ABCB1: variants seen among roughly 807,000 people sequenced by gnomAD.
The protein encoded by ABCB1 is ATP binding cassette subfamily B member 1.
Under a neutral mutation model 142.0 loss-of-function variants are expected in ABCB1, and 69 were observed. The ratio of observed to expected loss-of-function variants is 0.49; its 90% CI spans 0.40 to 0.59. The LOEUF (loss-of-function observed/expected upper bound fraction) is 0.59, where lower values mean the gene tolerates loss of function less well. Ranked by LOEUF, ABCB1 falls within the 20% of genes least tolerant of loss-of-function variation. The pLI is 0.00. For missense variants in ABCB1, 1,326 were observed against 1,554.7 expected (o/e 0.85, Z 2.47); for synonymous variants, 532 against 539.2 (o/e 0.99, Z 0.18).
chr7:87,604,336 G>A (rs1198974006), upstream of ABCB1, among the ~76,000 whole-genome samples: 1 of 152,100 alleles, frequency 6.6e-6, no homozygotes, highest in Non-Finnish European at 1.5e-5. Context: ...CCTCAATGAA[G>A]TTAATTGACC....
At chr7:87,701,035 C>G (rs1199264542) in intron 1 of ABCB1, among the ~76,000 whole-genome samples, 1 of 152,140 alleles carries the variant, frequency 6.6e-6, no homozygotes, top group Non-Finnish European at 1.5e-5. Context: ...CTTATTAAAT[C>G]TCAACTTTGA....
chr7:87,685,118 A>T (rs1827328229), intron 1 of ABCB1, among the ~76,000 whole-genome samples: 1 of 152,172 alleles, frequency 6.6e-6, no homozygotes. Flanking sequence ...AAAAGCTTTT[A>T]CTCCCTGAAA....
At chr7:87,526,836 A>G (rs1302868710) in intron 21 of ABCB1, among the ~76,000 whole-genome samples, 1 of 152,166 alleles carries the variant, frequency 6.6e-6, no homozygotes, top group East Asian at 1.9e-4. Context: ...AGGATCAGGG[A>G]TGAACAGCTT....
At chr7:87,599,499 C>A (rs1819350684) in intron 2 of ABCB1, among the ~76,000 whole-genome samples, 1 of 152,168 alleles carries the variant, frequency 6.6e-6, no homozygotes, top group Non-Finnish European at 1.5e-5. Flanking sequence ...GGGCGACCAA[C>A]ACCACTTGAA....
chr7:87,599,544 C>A (rs1819353574), intron 2 of ABCB1, among the ~76,000 whole-genome samples: 1 of 152,106 alleles, frequency 6.6e-6, no homozygotes, highest in Non-Finnish European at 1.5e-5. Flanking sequence ...CACATATGAG[C>A]ATCCGCCTGT....
At chr7:87,653,612 A>G (rs941209735) in intron 1 of ABCB1, among the ~76,000 whole-genome samples, 1 of 152,136 alleles carries the variant, frequency 6.6e-6, no homozygotes, top group African/African-American at 2.4e-5. Context: ...TCTTATGTAT[A>G]TGAAACCAAC....
chr7:87,619,538 CAAA>C (rs397829281), intron 1 of ABCB1, among the ~76,000 whole-genome samples: 17 of 77,660 alleles, frequency 2.2e-4, no homozygotes, highest in Non-Finnish European at 3.0e-4. Flanking sequence ...AACTCCATCT[CAAA>C]AAAAAAAAAA....
At chr7:87,523,263 G>A (rs1815607250) in intron 21 of ABCB1, among the ~76,000 whole-genome samples, 2 of 152,040 alleles carry the variant, frequency 1.3e-5, no homozygotes, top group African/African-American at 4.8e-5. Context: ...CAAGCACATG[G>A]CACTACACCT....
At chr7:87,679,450 A>G (rs1826709277) in intron 1 of ABCB1, among the ~76,000 whole-genome samples, 1 of 149,642 alleles carries the variant, frequency 6.7e-6, no homozygotes, top group East Asian at 2.0e-4. Context: ...GTGCAATGGC[A>G]CAATCATGGC....
Position 87,569,948 on chromosome 7 carries a change from C to A in ABCB1, c.338+224G>T, listed in dbSNP as rs2235021. Among the ~76,000 whole-genome samples the A allele has an allele frequency of 0.38, 57,870 of 151,762 alleles. 12,077 individuals carry two copies. Among genetic ancestry groups the A allele is most frequent in the East Asian group, 0.64 (3,270 of 5,136 alleles). ...TTTCCTTATATATTAATATGATATT[C>A]TACATTGATCAATGCATATATGTCC... On this transcript the variant is annotated intron_variant, in intron 5 of 27. Coordinates refer to ENST00000622132, the MANE Select transcript of ABCB1 (RefSeq NM_001348946.2).
intron 1 of ABCB1, among the ~76,000 whole-genome samples, chr7:87,690,746 T>A (rs1228212905): frequency 1.3e-5 from 2 of 152,172 alleles, no homozygotes; most frequent in Non-Finnish European, 2.9e-5. Context: ...TATATGATAC[T>A]GCCAATTTAT....
chr7:87,592,832 A>G (rs1819048036), intron 3 of ABCB1, among the ~76,000 whole-genome samples: 1 of 152,140 alleles, frequency 6.6e-6, no homozygotes, highest in Non-Finnish European at 1.5e-5. Flanking sequence ...GTTAGGTATT[A>G]TCTATTTAGA....
intron 1 of ABCB1, among the ~76,000 whole-genome samples, chr7:87,700,746 AC>A (rs1230958183): frequency 6.6e-6 from 1 of 152,218 alleles, no homozygotes; most frequent in Non-Finnish European, 1.5e-5. Flanking sequence ...GTTCAGCAGA[AC>A]CCTGAAGATG....
At chr7:87,670,139 C>G (rs558164008) in intron 1 of ABCB1, among the ~76,000 whole-genome samples, 1 of 152,270 alleles carries the variant, frequency 6.6e-6, no homozygotes, top group East Asian at 1.9e-4. Context: ...TTACATGATC[C>G]AATACTTCTC....
chr7:87,695,007 A>C (rs1165425131), intron 1 of ABCB1, among the ~76,000 whole-genome samples: 3 of 152,150 alleles, frequency 2.0e-5, no homozygotes, highest in African/African-American at 7.2e-5. Context: ...TAATAGTTAC[A>C]TTTTATAGAT....
At chr7:87,626,598 CAT>C (rs369333535) in intron 1 of ABCB1, among the ~76,000 whole-genome samples, 7 of 9,462 alleles carry the variant, frequency 7.4e-4, no homozygotes, top group South Asian at 7.8e-3. Context: ...ATATATGTGT[CAT>C]ATATATGTGT....
chr7:87,622,811 G>A lies in ABCB1; in HGVS notation c.-330-21733C>T, dbSNP rs111851490. On this transcript the variant is annotated intron_variant, in intron 1 of 28. Coordinates refer to the ABCB1 transcript ENST00000265724. ...CTTGAGGGGCCAAGAAGGGAGGATC[G>A]CATGAGACCGGGAGTTCATGAGCAA... Among the ~76,000 whole-genome samples, 18 of 152,108 alleles carry A rather than the reference G, an allele frequency of 1.2e-4. No homozygotes were observed. The South Asian group carries it at 2.1e-3, about 18-fold the overall frequency.
chr7:87,628,797 CA>C, intron 1 of ABCB1: 2 of 1,217,026 alleles, frequency 1.6e-6, no homozygotes, highest in Non-Finnish European at 2.1e-6. Context: ...TGGCACGAGA[CA>C]AAAGGGGCAC....
Position 87,685,705 on chromosome 7 carries a change from TGAA to T in ABCB1, c.-331+27453_-331+27455del, listed in dbSNP as rs1827391732. On this transcript the variant is annotated intron_variant, in intron 1 of 28. Transcript: ENST00000265724. ...GGGTGGGGGTTGACAAGCATCATGA[TGAA>T]GGAGTTTCTTTGCATGATGAAACTG... Among the ~76,000 whole-genome samples, 3 of 152,194 alleles carry T rather than the reference TGAA, an allele frequency of 2.0e-5. No individual in the cohort carries two copies. The South Asian group carries it at 6.2e-4, about 32-fold the overall frequency.
Sources: gnomAD v4.1 joint callset for allele counts (sites outside exome capture counted in the v4.1 genomes callset) on GRCh38, gnomAD v4.1.1 for gene constraint, MANE v1.5 for transcripts, NCBI Gene and HGNC (gene_info 2026-07-23, HGNC 2026-07-21) for gene names.